MGST1: variants seen among roughly 807,000 people sequenced by gnomAD.
The protein encoded by MGST1 is glutathione S-transferase 12.
MGST1 carries 5 observed loss-of-function variants against 8.9 expected under a neutral mutation model. That is an observed-to-expected ratio of 0.56 (90% confidence interval 0.29 to 1.19). The LOEUF (loss-of-function observed/expected upper bound fraction) is 1.19. Among genes scored for constraint, MGST1 ranks in the 50% most tolerant of loss-of-function variants. The probability of loss-of-function intolerance (pLI) is 0.08; values close to 1 mark genes in which losing one functional copy is unlikely to be tolerated. For synonymous variants in MGST1, 54 were observed against 67.8 expected, an observed-to-expected ratio of 0.80 and a Z score of 1.00; for missense variants, 182 against 187.4, an observed-to-expected ratio of 0.97 and a Z score of 0.17.
chr12:16,419,591 G>A (rs1940816780), intron 1 of MGST1, among the ~76,000 whole-genome samples: 1 of 152,146 alleles, frequency 6.6e-6, no homozygotes, highest in African/African-American at 2.4e-5. Context: ...TTTCTTCAAA[G>A]AGGTTATTCT....
chr12:16,497,795 G>A lies in MGST1; in HGVS notation n.483-91733G>A, dbSNP rs914347778. Among the ~76,000 whole-genome samples, 10 of 152,150 alleles carry A rather than the reference G, an allele frequency of 6.6e-5. No individual in the cohort carries two copies. Among genetic ancestry groups the A allele is most frequent in the African/African-American group, 1.2e-4 (5 of 41,518 alleles). ...AAGCCATGGTTCTCAAACTTTGTGC[G>A]CTTTTGTAAGAATTCCCTTGGTAAT... On this transcript the variant is annotated intron_variant and non_coding_transcript_variant, in intron 4 of 4. Coordinates refer to the MGST1 transcript ENST00000538857. The surrounding 1 kb of genome is among the most constrained non-coding windows in gnomAD (Gnocchi z 4.4).
chr12:16,493,313 C>T lies in MGST1; in HGVS notation n.483-96215C>T, dbSNP rs1009350587. ...TAAGCCTTTTTTTGTTTGTTTTTTA[C>T]GTGCTTGTTCAAGTCCATGTTTCTC... On this transcript the variant is annotated intron_variant and non_coding_transcript_variant, in intron 4 of 4. Coordinates refer to the MGST1 transcript ENST00000538857. Among the ~76,000 whole-genome samples, 8 of 152,052 alleles carry T rather than the reference C, an allele frequency of 5.3e-5. No individual in the cohort carries two copies. The South Asian group carries it at 1.0e-3, about 20-fold the overall frequency.
intron 4 of MGST1, among the ~76,000 whole-genome samples, chr12:16,499,906 G>A (rs766048736): frequency 1.3e-5 from 2 of 152,018 alleles, no homozygotes; most frequent in Non-Finnish European, 2.9e-5. Flanking sequence ...AGTAGTGCAT[G>A]TTTTTAAAAC....
At position 16,361,164 on chromosome 12, in the gene MGST1, C is replaced by T. The variant is rs1374741424; in HGVS notation, c.222-2631C>T. Among the ~76,000 whole-genome samples the T allele has an allele frequency of 6.6e-6, 1 of 152,158 alleles. No individual in the cohort carries two copies. The highest frequency in any genetic ancestry group is 2.4e-5 in the African/African-American group (1 of 41,428). ...GAAAATTCCTTTGTGAGAATGTGAA[C>T]ACATGGCTGGCTATGTGCTGAGGGT... On this transcript the variant is annotated intron_variant, in intron 3 of 3. Coordinates refer to ENST00000396210, the MANE Select transcript of MGST1 (RefSeq NM_020300.5). The surrounding 1 kb of genome is among the most constrained non-coding windows in gnomAD (Gnocchi z 4.2).
chr12:16,584,832 CA>C lies in MGST1; in HGVS notation n.483-4695del, dbSNP rs1943267822. The stretch of plus-strand genomic sequence containing the variant: ...CTGAAGCAGGAGTGTAACTGGTATA[CA>C]TTGGATGAAGGGCTCTGATCCTCTC... On this transcript the variant is annotated intron_variant and non_coding_transcript_variant, in intron 4 of 4. Coordinates refer to the MGST1 transcript ENST00000538857. This position sits in a 1 kb window ranked among gnomAD's most constrained non-coding sequence, Gnocchi z 5.2. 6.6e-6 allele frequency among the ~76,000 whole-genome samples: 1 copy of C among 152,156 alleles called. No homozygotes were observed. Among genetic ancestry groups the C allele is most frequent in the Non-Finnish European group, 1.5e-5 (1 of 68,022 alleles).
chr12:16,387,689 G>A (rs1255721144), intron 1 of MGST1, among the ~76,000 whole-genome samples: 1 of 151,928 alleles, frequency 6.6e-6, no homozygotes, highest in Non-Finnish European at 1.5e-5. Context: ...ACCACGCCTG[G>A]CTAATTTTTT....
At chr12:16,583,998 C>T (rs954169518) in intron 4 of MGST1, among the ~76,000 whole-genome samples, 2 of 152,288 alleles carry the variant, frequency 1.3e-5, no homozygotes, top group Admixed American at 1.3e-4. Flanking sequence ...AGATGAAATA[C>T]TTTTCCATAA....
intron 4 of MGST1, among the ~76,000 whole-genome samples, chr12:16,492,909 C>G (rs1057112397): frequency 1.3e-5 from 2 of 152,110 alleles, no homozygotes; most frequent in African/African-American, 4.8e-5. Context: ...ATTGAAATGA[C>G]CAGGCCTATT....
chr12:16,586,798 C>T lies in MGST1; in HGVS notation n.483-2730C>T, dbSNP rs574338977. Among the ~76,000 whole-genome samples, 4 of 152,288 alleles carry T rather than the reference C, an allele frequency of 2.6e-5. No homozygotes were observed. The highest frequency in any genetic ancestry group is 2.6e-4 in the Admixed American group (4 of 15,288). ...TTATTGCATTACTTTTGTAACCTTT[C>T]TCCCAAAGGAACATGTAAGCCATAC... On this transcript the variant is annotated intron_variant and non_coding_transcript_variant, in intron 4 of 4. Coordinates refer to the MGST1 transcript ENST00000538857. This position sits in a 1 kb window ranked among gnomAD's most constrained non-coding sequence, Gnocchi z 4.3.
chr12:16,407,808 C>T (rs10846359), intron 1 of MGST1, among the ~76,000 whole-genome samples: 27,951 of 151,796 alleles, frequency 0.18, 3,059 homozygotes, highest in East Asian at 0.46. Context: ...CCAAGGCAGG[C>T]GGATCACGAG....
intron 4 of MGST1, among the ~76,000 whole-genome samples, chr12:16,521,359 G>A (rs569120835): frequency 2.6e-5 from 4 of 152,002 alleles, no homozygotes; most frequent in Non-Finnish European, 5.9e-5. Flanking sequence ...AAAAATGACC[G>A]TTTATTGAAA....
chr12:16,363,180 C>T lies in MGST1; in HGVS notation c.222-615C>T, dbSNP rs539810770. 3 of 152,048 alleles carry T rather than the reference C, an allele frequency of 2.0e-5. No individual in the cohort carries two copies. The highest frequency in any genetic ancestry group is 2.9e-5 in the Non-Finnish European group (2 of 68,028). 9.4% of individuals were successfully genotyped at this position (152,048 alleles called of 1,614,324 possible). On this transcript the variant is annotated intron_variant, in intron 3 of 3. Transcript: ENST00000396210. This position sits in a 1 kb window ranked among gnomAD's most constrained non-coding sequence, Gnocchi z 4.6. Reference sequence around the variant, plus strand: ...TGTAGTTTTGCACCATCATTCCTAACGAATTTATTTGGCATTTGGAAGATA... The same window carrying T: ...TGTAGTTTTGCACCATCATTCCTAATGAATTTATTTGGCATTTGGAAGATA...
At chr12:16,553,059 A>G (rs529487553) in intron 4 of MGST1, among the ~76,000 whole-genome samples, 29 of 152,240 alleles carry the variant, frequency 1.9e-4, no homozygotes, top group South Asian at 1.9e-3. Flanking sequence ...TCTTACCTCA[A>G]TGTTTGAAAC....
At chr12:16,437,498 G>C (rs1337673078) in exon 2 of MGST1, 1 of 151,916 alleles carries the variant, frequency 6.6e-6, no homozygotes, top group Non-Finnish European at 1.5e-5. Context: ...GTCTTCATGG[G>C]TGCTGGCGCA....
intron 1 of MGST1, among the ~76,000 whole-genome samples, chr12:16,385,183 C>A (rs951429704): frequency 6.6e-6 from 1 of 152,138 alleles, no homozygotes; most frequent in Non-Finnish European, 1.5e-5. Flanking sequence ...AAGATCGCCT[C>A]CCCAGTATAA....
chr12:16,550,549 T>A (rs535101506), intron 4 of MGST1: 1 of 152,298 alleles, frequency 6.6e-6, no homozygotes, highest in Admixed American at 6.6e-5. Flanking sequence ...AAGATGAAAT[T>A]TTTATGTATT....
At chr12:16,441,228 G>A (rs747116067), downstream of MGST1, among the ~76,000 whole-genome samples, 1 of 151,718 alleles carries the variant, frequency 6.6e-6, no homozygotes, top group Admixed American at 6.6e-5. Flanking sequence ...GGAAGATAAA[G>A]AGATTTCCCA....
downstream of MGST1, among the ~76,000 whole-genome samples, chr12:16,367,070 T>C (rs970456574): frequency 6.6e-6 from 1 of 152,218 alleles, no homozygotes; most frequent in African/African-American, 2.4e-5. Flanking sequence ...GTGGGACATC[T>C]GTAAGATGGA....
At chr12:16,423,429 T>C (rs1940858747) in intron 1 of MGST1, among the ~76,000 whole-genome samples, 1 of 151,860 alleles carries the variant, frequency 6.6e-6, no homozygotes, top group Non-Finnish European at 1.5e-5. Flanking sequence ...CTAACCTATG[T>C]ACAAAAAAAA....
Sources: gnomAD v4.1 joint callset for allele counts (sites outside exome capture counted in the v4.1 genomes callset) on GRCh38, gnomAD v4.1.1 for gene constraint, Gnocchi (gnomAD v3.1) non-coding constraint, MANE v1.5 for transcripts, NCBI Gene and HGNC (gene_info 2026-07-23, HGNC 2026-07-21) for gene names.